DNM3: variants seen among roughly 807,000 people sequenced by gnomAD.
The protein encoded by DNM3 is dynamin 3.
In DNM3, 47 loss-of-function variants were observed where a neutral mutation model predicts 101.6. That is an observed-to-expected ratio of 0.46 (90% CI 0.37 to 0.59). The LOEUF (loss-of-function observed/expected upper bound fraction) is 0.59, where lower values mean the gene tolerates loss of function less well. Among genes scored for constraint, DNM3 ranks in the 20% least tolerant of loss-of-function variants. DNM3 has a pLI of 0.00. For synonymous variants in DNM3, 385 were observed against 387.9 expected (o/e 0.99, Z 0.09); for missense variants, 849 against 1,085.7 (o/e 0.78, Z 3.06).
At chr1:171,865,965 C>A (rs1376844355) in intron 1 of DNM3, among the ~76,000 whole-genome samples, 1 of 152,132 alleles carries the variant, frequency 6.6e-6, no homozygotes, top group East Asian at 1.9e-4. Context: ...GAGGTCATGT[C>A]CTCTGTGTAT....
At chr1:172,334,619 G>A (rs551334267) in intron 17 of DNM3, among the ~76,000 whole-genome samples, 2 of 152,268 alleles carry the variant, frequency 1.3e-5, no homozygotes, top group East Asian at 3.9e-4. Context: ...TGAAGAAGGG[G>A]AATCTGTTCA....
At chr1:172,185,484 A>G (rs1187268400) in intron 14 of DNM3, among the ~76,000 whole-genome samples, 1 of 152,132 alleles carries the variant, frequency 6.6e-6, no homozygotes, top group Non-Finnish European at 1.5e-5. Flanking sequence ...GTGCATTTGT[A>G]ACAGAGCTTC....
intron 1 of DNM3, among the ~76,000 whole-genome samples, chr1:171,874,986 C>T (rs190669588): frequency 6.6e-6 from 1 of 152,126 alleles, no homozygotes; most frequent in East Asian, 1.9e-4. Flanking sequence ...CATGTTGCTG[C>T]AAAGGACACG....
chr1:172,189,926 A>G (rs2059646948), intron 14 of DNM3, among the ~76,000 whole-genome samples: 2 of 152,002 alleles, frequency 1.3e-5, no homozygotes, highest in South Asian at 2.1e-4. Context: ...CCAAAAGGAT[A>G]GTGCTAACCC....
At chr1:172,337,334 A>G (rs550342610) in intron 17 of DNM3, among the ~76,000 whole-genome samples, 1 of 152,322 alleles carries the variant, frequency 6.6e-6, no homozygotes, top group East Asian at 1.9e-4. Context: ...CAGAGATTAC[A>G]GATTACACAT....
intron 1 of DNM3, among the ~76,000 whole-genome samples, chr1:171,910,989 A>G (rs2039247507): frequency 6.6e-6 from 1 of 152,202 alleles, no homozygotes; most frequent in African/African-American, 2.4e-5. Context: ...TCTGTGGTTA[A>G]GGAGTCAACA....
chr1:171,887,802 ATTAAT>A (rs2036910515), intron 1 of DNM3, among the ~76,000 whole-genome samples: 1 of 152,142 alleles, frequency 6.6e-6, no homozygotes, highest in Admixed American at 6.5e-5. Flanking sequence ...TTAATTCATT[ATTAAT>A]TTATTGTAAT....
intron 13 of DNM3, among the ~76,000 whole-genome samples, chr1:172,116,953 C>T (rs1481103917): frequency 6.6e-6 from 1 of 152,028 alleles, no homozygotes; most frequent in Non-Finnish European, 1.5e-5. Context: ...CGCTTGTATT[C>T]CCATCACTTT....
intron 14 of DNM3, among the ~76,000 whole-genome samples, chr1:172,234,408 T>G (rs1464057432): frequency 2.0e-5 from 3 of 152,036 alleles, no homozygotes; most frequent in African/African-American, 7.2e-5. Context: ...GGAAGAACAT[T>G]CCATGCTCAT....
chr1:172,354,110 T>TGAGAGAGAGAGAGA (rs1445200263), intron 17 of DNM3, among the ~76,000 whole-genome samples: 8,584 of 51,192 alleles, frequency 0.17, 395 homozygotes, highest in Non-Finnish European at 0.23. Flanking sequence ...TGTGTGTGTG[T>TGAGAGAGAGAGAGA]GTGAGAGAGA....
chr1:172,323,688 T>C (rs1300310119), intron 17 of DNM3, among the ~76,000 whole-genome samples: 1 of 152,200 alleles, frequency 6.6e-6, no homozygotes, highest in African/African-American at 2.4e-5. Flanking sequence ...TGGAATTCAG[T>C]GCAGCTGAAG....
chr1:172,133,189 C>A, intron 14 of DNM3: 1 of 1,271,048 alleles, frequency 7.9e-7, no homozygotes, highest in Non-Finnish European at 9.9e-7. Context: ...TCTGTGAGTC[C>A]TGAAAATAAG....
intron 8 of DNM3, among the ~76,000 whole-genome samples, chr1:172,042,706 G>C (rs1009824434): frequency 6.6e-6 from 1 of 152,104 alleles, no homozygotes; most frequent in African/African-American, 2.4e-5. Flanking sequence ...CTCGGGTAAG[G>C]CACTAAAGTA....
At chr1:172,148,540 A>G (rs10911111) in intron 14 of DNM3, among the ~76,000 whole-genome samples, 37,912 of 152,034 alleles carry the variant, frequency 0.25, 5,438 homozygotes, top group East Asian at 0.45. Context: ...TAAACATTGA[A>G]CCAACCATAT....
intron 17 of DNM3, among the ~76,000 whole-genome samples, chr1:172,324,312 C>A (rs1035016833): frequency 6.6e-6 from 1 of 152,088 alleles, no homozygotes; most frequent in African/African-American, 2.4e-5. Context: ...AGCTGGAATT[C>A]GTCAAAATTT....
At chr1:172,114,339 C>T (rs1558590752) in intron 13 of DNM3, among the ~76,000 whole-genome samples, 1 of 152,168 alleles carries the variant, frequency 6.6e-6, no homozygotes, top group African/African-American at 2.4e-5. Context: ...GCGGCTGAAA[C>T]ATGTGGCAAA....
At chr1:172,269,952 C>T (rs576961190) in intron 15 of DNM3, among the ~76,000 whole-genome samples, 14 of 152,130 alleles carry the variant, frequency 9.2e-5, no homozygotes, top group African/African-American at 3.1e-4. Flanking sequence ...TCTCTTTGGC[C>T]GTCTTAGAGG....
At chr1:172,095,462 T>G (rs950304615) in intron 13 of DNM3, among the ~76,000 whole-genome samples, 1 of 152,224 alleles carries the variant, frequency 6.6e-6, no homozygotes, top group African/African-American at 2.4e-5. Context: ...TTAAAGGATC[T>G]TCAGTAGTTC....
chr1:171,843,001 G>T (rs182325036), intron 1 of DNM3, among the ~76,000 whole-genome samples: 1 of 152,298 alleles, frequency 6.6e-6, no homozygotes, highest in East Asian at 1.9e-4. Context: ...TGGCTCATTC[G>T]TGACTTGGGA....
Sources: allele counts gnomAD v4.1 joint callset (sites outside exome capture counted in the v4.1 genomes callset), GRCh38; gene constraint gnomAD v4.1.1; transcripts MANE v1.5; gene names NCBI Gene and HGNC (gene_info 2026-07-23, HGNC 2026-07-21).